Variants in LRRTM4 observed in about 807,000 individuals in gnomAD.
LRRTM4 encodes the protein leucine rich repeat transmembrane neuronal 4.
LRRTM4 carries 25 observed loss-of-function variants against 47.6 expected under a neutral mutation model. The observed-to-expected ratio is 0.53, with a 90% CI of 0.38 to 0.73. The LOEUF (loss-of-function observed/expected upper bound fraction) is 0.73. LRRTM4 is among the 30% of genes least tolerant of loss of function. The pLI, the probability that LRRTM4 is intolerant of heterozygous loss-of-function variation, is 0.00. For missense variants in LRRTM4, 638 were observed against 713.4 expected (o/e 0.89, Z 1.20); for synonymous variants, 311 against 269.5 (o/e 1.15, Z -1.51).
At chr2:77,086,558 A>C (rs907742023) in intron 3 of LRRTM4, among the ~76,000 whole-genome samples, 1 of 150,700 alleles carries the variant, frequency 6.6e-6, no homozygotes, top group South Asian at 2.1e-4. Context: ...GCTCACTGCA[A>C]CCTCTGCCTC....
intron 3 of LRRTM4, among the ~76,000 whole-genome samples, chr2:76,790,130 C>T (rs59006263): frequency 0.12 from 17,668 of 152,140 alleles, 1,354 homozygotes; most frequent in East Asian, 0.29. Context: ...TTTAGAATTA[C>T]CAAAGCAGTT....
At chr2:76,785,223 A>C (rs1335079737) in intron 3 of LRRTM4, among the ~76,000 whole-genome samples, 1 of 152,182 alleles carries the variant, frequency 6.6e-6, no homozygotes, top group Non-Finnish European at 1.5e-5. Context: ...TGAAGACTTT[A>C]ATAACTGATT....
chr2:77,062,804 T>G (rs1372634533), intron 3 of LRRTM4, among the ~76,000 whole-genome samples: 1 of 152,192 alleles, frequency 6.6e-6, no homozygotes, highest in Non-Finnish European at 1.5e-5. Context: ...TTCTGTGATG[T>G]TGGCACAAGA....
intron 3 of LRRTM4, among the ~76,000 whole-genome samples, chr2:76,963,135 A>T (rs1675915741): frequency 6.6e-6 from 1 of 151,008 alleles, no homozygotes; most frequent in Non-Finnish European, 1.5e-5. Flanking sequence ...TTTTCAACTT[A>T]ATGACCTTAC....
chr2:76,790,987 G>C (rs1311389261), intron 3 of LRRTM4, among the ~76,000 whole-genome samples: 5 of 152,088 alleles, frequency 3.3e-5, no homozygotes, highest in African/African-American at 4.8e-5. Context: ...TCCACAGAAG[G>C]TATGTTTCCA....
At chr2:76,886,040 C>T (rs1673066649) in intron 3 of LRRTM4, among the ~76,000 whole-genome samples, 1 of 152,108 alleles carries the variant, frequency 6.6e-6, no homozygotes, top group Admixed American at 6.6e-5. Context: ...TAAAGAATTG[C>T]TCAACATTTT....
chr2:76,863,650 C>G (rs1258319445), intron 3 of LRRTM4, among the ~76,000 whole-genome samples: 1 of 152,052 alleles, frequency 6.6e-6, no homozygotes, highest in Non-Finnish European at 1.5e-5. Flanking sequence ...CTTTCCTTGT[C>G]TAAAGCTAAG....
At chr2:76,794,000 T>C (rs979156568) in intron 3 of LRRTM4, among the ~76,000 whole-genome samples, 1 of 152,224 alleles carries the variant, frequency 6.6e-6, no homozygotes, top group Non-Finnish European at 1.5e-5. Context: ...TATTTTTCTG[T>C]GTGTCTCTAA....
intron 3 of LRRTM4, among the ~76,000 whole-genome samples, chr2:77,082,313 G>A (rs1680558712): frequency 6.6e-6 from 1 of 151,500 alleles, no homozygotes; most frequent in Admixed American, 6.6e-5. Context: ...TTTATTTCTT[G>A]GACACTTATG....
intron 3 of LRRTM4, among the ~76,000 whole-genome samples, chr2:77,492,234 A>G (rs557656180): frequency 2.4e-4 from 36 of 152,290 alleles, no homozygotes; most frequent in African/African-American, 8.7e-4. Context: ...AAAGCATTTT[A>G]TGTACAAAAT....
intron 3 of LRRTM4, among the ~76,000 whole-genome samples, chr2:76,887,641 TAC>T (rs1234952307): frequency 1.3e-5 from 2 of 150,518 alleles, no homozygotes; most frequent in African/African-American, 4.8e-5. Flanking sequence ...ATATGATATA[TAC>T]AGTGTGTATA....
chr2:76,858,414 C>A (rs1672218713), intron 3 of LRRTM4, among the ~76,000 whole-genome samples: 1 of 152,294 alleles, frequency 6.6e-6, no homozygotes, highest in South Asian at 2.1e-4. Context: ...AGGCTTCCAA[C>A]TGAAACTATC....
At chr2:76,897,538 A>G (rs1673464280) in intron 3 of LRRTM4, among the ~76,000 whole-genome samples, 1 of 152,168 alleles carries the variant, frequency 6.6e-6, no homozygotes, top group Admixed American at 6.6e-5. Context: ...CAGGCATAAT[A>G]TTAGATGTGA....
chr2:77,008,928 G>C (rs1347837114), intron 3 of LRRTM4: 1 of 138,314 alleles, frequency 7.2e-6, no homozygotes, highest in African/African-American at 2.9e-5. Context: ...AGCCATATTG[G>C]AGCCAACAAG....
chr2:77,187,161 T>C (rs996725670), intron 3 of LRRTM4, among the ~76,000 whole-genome samples: 15 of 152,124 alleles, frequency 9.9e-5, no homozygotes, highest in African/African-American at 3.6e-4. Context: ...CTGTAGCCAA[T>C]GTCTGGATGT....
At chr2:77,513,632 A>C (rs1679102271) in intron 3 of LRRTM4, among the ~76,000 whole-genome samples, 1 of 152,072 alleles carries the variant, frequency 6.6e-6, no homozygotes, top group African/African-American at 2.4e-5. Flanking sequence ...GCAGTAGTGC[A>C]ATCTTGCACT....
intron 3 of LRRTM4, among the ~76,000 whole-genome samples, chr2:76,863,836 C>A (rs1203921220): frequency 1.3e-5 from 2 of 152,130 alleles, no homozygotes; most frequent in Non-Finnish European, 2.9e-5. Context: ...AATCATATCT[C>A]ATATCATTAA....
At chr2:76,826,951 G>A (rs1573175509) in intron 3 of LRRTM4, among the ~76,000 whole-genome samples, 1 of 152,014 alleles carries the variant, frequency 6.6e-6, no homozygotes, top group Admixed American at 6.6e-5. Flanking sequence ...ATTAAGCTTT[G>A]ATTCAGACAG....
chr2:77,406,461 A>T (rs1271889086), intron 3 of LRRTM4, among the ~76,000 whole-genome samples: 2 of 151,914 alleles, frequency 1.3e-5, no homozygotes, highest in Non-Finnish European at 2.9e-5. Flanking sequence ...AGGTGACCCC[A>T]CTAATTTTTT....
Sources: gnomAD v4.1 joint callset for allele counts (sites outside exome capture counted in the v4.1 genomes callset) on GRCh38, gnomAD v4.1.1 for gene constraint, MANE v1.5 for transcripts, NCBI Gene and HGNC (gene_info 2026-07-23, HGNC 2026-07-21) for gene names.